STT3A: variants seen among roughly 807,000 people sequenced by gnomAD.
The protein encoded by STT3A is STT3 oligosaccharyltransferase complex catalytic subunit A.
STT3A carries 34 observed loss-of-function variants against 89.2 expected under a neutral mutation model. That is an observed-to-expected ratio of 0.38 (90% confidence interval 0.29 to 0.51). STT3A has a LOEUF of 0.51. STT3A is among the 20% of genes least tolerant of loss of function. The pLI is 0.89. For missense variants in STT3A, 555 were observed against 889.5 expected (o/e 0.62, Z 4.78); for synonymous variants, 282 against 310.3 (o/e 0.91, Z 0.96).
At chr11:125,600,738 T>C (rs1939647565) in intron 3 of STT3A, among the ~76,000 whole-genome samples, 1 of 152,234 alleles carries the variant, frequency 6.6e-6, no homozygotes, top group Non-Finnish European at 1.5e-5. Context: ...TTTAAAGCTC[T>C]TAAGCATTTT....
intron 11 of STT3A, 58 bp from the exon 12 acceptor site, chr11:125,612,534 T>G (rs1051151962): frequency 6.4e-7 from 1 of 1,554,366 alleles, no homozygotes; most frequent in African/African-American, 1.4e-5. Context: ...ACTAATAGGC[T>G]GAAATCTGTA....
chr11:125,602,687 T>C (rs1326842792), intron 4 of STT3A, 116 bp from the exon 5 acceptor site: 2 of 1,380,420 alleles, frequency 1.4e-6, no homozygotes, highest in African/African-American at 1.4e-5. Context: ...TATGTTAGTA[T>C]TTCTGGTGAT....
chr11:125,609,748 C>CAG (rs1939947492), intron 10 of STT3A, 159 bp downstream of exon 10: 1 of 692,568 alleles, frequency 1.4e-6, no homozygotes, highest in Non-Finnish European at 2.2e-6. Flanking sequence ...TGAAGCTGAG[C>CAG]AGAAGTCAGA....
chr11:125,620,981 A>AT lies in STT3A; in HGVS notation c.*176dup. 1 of 489,522 alleles carries AT rather than the reference A, an allele frequency of 2.0e-6. No individual in the cohort carries two copies. Among genetic ancestry groups the AT allele is most frequent in the Non-Finnish European group, 3.6e-6 (1 of 280,578 alleles). 30.3% of individuals were successfully genotyped at this position (489,522 alleles called of 1,614,324 possible). A position where few individuals can be genotyped will look rare whatever the true frequency, so the allele number is the denominator to read the frequency against. On this transcript the variant is annotated 3_prime_UTR_variant, in exon 18 of 18. Coordinates refer to ENST00000392708, the MANE Select transcript of STT3A (RefSeq NM_152713.5). The stretch of plus-strand genomic sequence containing the variant: ...AGTATGGGCTGGGCCAAATGAAATG[A>AT]TTTTTATAATTCTAAACAGGTTACC...
At position 125,614,310 on chromosome 11, in the gene STT3A, A is replaced by C. The variant is rs1407231099; in HGVS notation, c.1672-14A>C. On this transcript the variant is annotated splice_polypyrimidine_tract_variant and intron_variant, in intron 14 of 17. Coordinates refer to ENST00000392708, the MANE Select transcript of STT3A (RefSeq NM_152713.5). The surrounding 1 kb of genome is among the most constrained non-coding windows in gnomAD (Gnocchi z 4.9). ...TGGGATTTTGCTCTGAGAATTGTAC[A>C]TTTGTTTTTCCAGGCAATGGCGTCC... 6.2e-7 allele frequency: 1 copy of C among 1,614,042 alleles called. No homozygotes were observed. The highest frequency in any genetic ancestry group is 8.5e-7 in the Non-Finnish European group (1 of 1,179,980).
chr11:125,594,738 T>A (rs1007685256), intron 1 of STT3A: 1 of 152,218 alleles, frequency 6.6e-6, no homozygotes, highest in African/African-American at 2.4e-5. Flanking sequence ...CATTTTAATC[T>A]ACTTTTTTTA....
chr11:125,617,093 GTTTA>G (rs1191588368), intron 15 of STT3A, among the ~76,000 whole-genome samples: 1 of 152,022 alleles, frequency 6.6e-6, no homozygotes, highest in Non-Finnish European at 1.5e-5. Flanking sequence ...TGTTCTGGGG[GTTTA>G]TTTTTGTTCC....
chr11:125,594,264 CTT>C (rs1395654367), intron 1 of STT3A, among the ~76,000 whole-genome samples: 1 of 152,128 alleles, frequency 6.6e-6, no homozygotes, highest in African/African-American at 2.4e-5. Flanking sequence ...GTCGTTATAA[CTT>C]AGCTCTTGAT....
chr11:125,600,305 C>T (rs1003816785), intron 3 of STT3A, among the ~76,000 whole-genome samples: 2 of 152,092 alleles, frequency 1.3e-5, no homozygotes, highest in African/African-American at 2.4e-5. Flanking sequence ...CTGCGTCGGC[C>T]TCCCAAAGTG....
intron 3 of STT3A, among the ~76,000 whole-genome samples, chr11:125,597,469 G>C (rs1466182515): frequency 6.6e-6 from 1 of 151,426 alleles, no homozygotes; most frequent in Non-Finnish European, 1.5e-5. Flanking sequence ...GTAAGTCTCT[G>C]AAACTCAAAA....
intron 9 of STT3A, among the ~76,000 whole-genome samples, chr11:125,609,095 C>G (rs1035440854): frequency 1.3e-5 from 2 of 152,170 alleles, no homozygotes; most frequent in African/African-American, 4.8e-5. Context: ...TTGACTAATT[C>G]AGAGCAGGAC....
chr11:125,595,342 A>G (rs1182523635), intron 1 of STT3A, among the ~76,000 whole-genome samples: 1 of 151,628 alleles, frequency 6.6e-6, no homozygotes, highest in Admixed American at 6.6e-5. Flanking sequence ...TTTTGTGGAG[A>G]TGGGGTTTTG....
intron 3 of STT3A, among the ~76,000 whole-genome samples, chr11:125,598,224 A>G (rs1192922552): frequency 6.6e-6 from 1 of 152,138 alleles, no homozygotes; most frequent in Non-Finnish European, 1.5e-5. Context: ...AAAAAAAAGA[A>G]AAAGAAAAAA....
intron 16 of STT3A, 24 bp downstream of exon 16, chr11:125,618,585 A>G: frequency 6.5e-7 from 1 of 1,541,854 alleles, no homozygotes; most frequent in Non-Finnish European, 8.9e-7. Context: ...AATAATATTA[A>G]TAACAGTAGT....
chr11:125,609,616 C>T (rs182230179), intron 10 of STT3A, 27 bp downstream of exon 10: 224 of 1,586,792 alleles, frequency 1.4e-4, no homozygotes, highest in Admixed American at 4.0e-4. Flanking sequence ...TCTGAAATGG[C>T]CTTGTTCATA....
Position 125,608,621 on chromosome 11 carries a change from C to T in STT3A, c.961+332C>T, listed in dbSNP as rs139112451. ...GATTACAGGCGTGAGCCACTGCACC[C>T]GGTCAGGCTTAGAGCTTTTACTATT... is the stretch of plus-strand genomic sequence containing the variant. On this transcript the variant is annotated intron_variant, in intron 9 of 17. Coordinates refer to ENST00000392708, the MANE Select transcript of STT3A (RefSeq NM_152713.5). Among the ~76,000 whole-genome samples the T allele has an allele frequency of 5.7e-3, 871 of 152,360 alleles. 9 individuals are homozygous for T. Among genetic ancestry groups the T allele is most frequent in the African/African-American group, 0.02 (831 of 41,588 alleles).
chr11:125,619,897 A>G, intron 16 of STT3A, 114 bp from the exon 17 acceptor site: 2 of 906,174 alleles, frequency 2.2e-6, no homozygotes, highest in Non-Finnish European at 3.4e-6. Flanking sequence ...CTCTCAACAA[A>G]TTGCAGGCTG....
intron 10 of STT3A, among the ~76,000 whole-genome samples, chr11:125,610,366 A>G (rs1440538569): frequency 1.3e-5 from 2 of 151,460 alleles, no homozygotes; most frequent in Admixed American, 1.4e-4. Context: ...TGCCTGGCCA[A>G]CTTTTACTTT....
chr11:125,598,909 A>C (rs1279408916), intron 3 of STT3A, among the ~76,000 whole-genome samples: 1 of 152,124 alleles, frequency 6.6e-6, no homozygotes, highest in Non-Finnish European at 1.5e-5. Context: ...TGCCCAGCCT[A>C]CTTTTGTTTC....
Sources: gnomAD v4.1 joint callset for allele counts (sites outside exome capture counted in the v4.1 genomes callset) on GRCh38, gnomAD v4.1.1 for gene constraint, Gnocchi (gnomAD v3.1) non-coding constraint, MANE v1.5 for transcripts, NCBI Gene and HGNC (gene_info 2026-07-23, HGNC 2026-07-21) for gene names.